The following CA5A variants were observed in gnomAD, a reference collection of about 807,000 sequenced individuals.
CA5A encodes the protein carbonic anhydrase 5A, mitochondrial.
A neutral mutation model predicts 37.1 loss-of-function variants in CA5A; 28 were observed. That is an observed-to-expected ratio of 0.75 (90% CI 0.56 to 1.03). CA5A has a LOEUF of 1.03. Ranked by LOEUF, CA5A falls within the 50% of genes least tolerant of loss-of-function variation. CA5A has a pLI of 0.00. For synonymous variants in CA5A, 171 were observed against 158.4 expected (o/e 1.08, Z -0.60); for missense variants, 444 against 399.9 (o/e 1.11, Z -0.94).
intron 6 of CA5A, among the ~76,000 whole-genome samples, chr16:87,889,957 A>T (rs1292349404): frequency 6.6e-6 from 1 of 152,156 alleles, no homozygotes; most frequent in Non-Finnish European, 1.5e-5. Flanking sequence ...AGCGCCCCCT[A>T]GAGTTGCGCG....
intron 2 of CA5A, chr16:87,923,629 A>G: frequency 1.0e-6 from 1 of 985,376 alleles, no homozygotes; most frequent in Non-Finnish European, 1.2e-6. Flanking sequence ...CCACCAGCTG[A>G]GGGCTGGGTG....
chr16:87,925,093 C>G (rs11642854), intron 2 of CA5A, among the ~76,000 whole-genome samples: 66,992 of 152,060 alleles, frequency 0.44, 15,703 homozygotes, highest in Non-Finnish European at 0.52. Context: ...ATGGGAGCAA[C>G]AGTGAGTGAG....
chr16:87,891,143 GAA>G (rs113142837), intron 6 of CA5A, among the ~76,000 whole-genome samples: 3,029 of 142,778 alleles, frequency 0.021, 99 homozygotes, highest in African/African-American at 0.072. Context: ...ATTAATTTTC[GAA>G]AAAAAAAAAA....
At chr16:87,890,303 C>G (rs982941773) in intron 6 of CA5A, among the ~76,000 whole-genome samples, 5 of 143,154 alleles carry the variant, frequency 3.5e-5, no homozygotes, top group African/African-American at 1.5e-4. Context: ...GCACTTGTCA[C>G]ATATATGCTT....
intron 2 of CA5A, among the ~76,000 whole-genome samples, chr16:87,915,460 A>T (rs1056880326): frequency 4.6e-5 from 7 of 151,274 alleles, no homozygotes; most frequent in South Asian, 4.2e-4. Context: ...GTTTGAGCTC[A>T]GGAGAAGCTT....
intron 5 of CA5A, among the ~76,000 whole-genome samples, chr16:87,894,078 C>G (rs1223858095): frequency 1.3e-5 from 2 of 152,130 alleles, no homozygotes; most frequent in Non-Finnish European, 2.9e-5. Flanking sequence ...GGATATATAC[C>G]CAGAAGTGTG....
rs375882971 is a variant in CA5A, at chr16:87,933,846, T to A, written c.142+2463A>T. Among the ~76,000 whole-genome samples the A allele has an allele frequency of 1.3e-4, 20 of 152,350 alleles. No individual in the cohort carries two copies. In the East Asian group the frequency reaches 3.9e-3, roughly 29 times the overall value. ...CACCGACATAGAAGGATGAATTCCT[T>A]ATGATGTTCCAATCTTCTCTGCTTG... On this transcript the variant is annotated intron_variant, in intron 1 of 6. Coordinates refer to ENST00000649794, the MANE Select transcript of CA5A (RefSeq NM_001739.2).
chr16:87,908,259 G>T (rs2055994170), intron 2 of CA5A, among the ~76,000 whole-genome samples: 2 of 152,144 alleles, frequency 1.3e-5, no homozygotes, highest in Admixed American at 6.5e-5. Flanking sequence ...GTGACCCTGG[G>T]CAAGTAGCTT....
chr16:87,918,992 G>A (rs1325424567), intron 2 of CA5A, among the ~76,000 whole-genome samples: 2 of 152,204 alleles, frequency 1.3e-5, no homozygotes, highest in African/African-American at 4.8e-5. Context: ...AAACCAGATT[G>A]GCCCGCGTGG....
rs1227728247 is a variant in CA5A at position 87,915,013 on chromosome 16, T to C, written c.341-10109A>G. Among the ~76,000 whole-genome samples the C allele has an allele frequency of 3.9e-5, 6 of 152,320 alleles. No homozygotes were observed. In the East Asian group the frequency reaches 5.8e-4, roughly 15 times the overall value. ...AGGGGTGTGAGCGATGGGGCCAGCA[T>C]GGCCGCCGCACCACCAGCTCCATCC... On this transcript the variant is annotated intron_variant, in intron 2 of 6. Coordinates refer to ENST00000649794, the MANE Select transcript of CA5A (RefSeq NM_001739.2).
chr16:87,902,578 C>T, intron 3 of CA5A, 58 bp from the exon 4 acceptor site: 1 of 936,306 alleles, frequency 1.1e-6, no homozygotes, highest in Non-Finnish European at 1.8e-6. Context: ...ACAGTCACTT[C>T]CCCTTCTGAA....
At chr16:87,908,224 C>T (rs1364138158) in intron 2 of CA5A, among the ~76,000 whole-genome samples, 3 of 152,220 alleles carry the variant, frequency 2.0e-5, no homozygotes, top group East Asian at 1.9e-4. Context: ...GGATTTGCAA[C>T]TCAGCTCTGC....
chr16:87,884,798 A>G (rs567707267), downstream of CA5A: 1 of 152,298 alleles, frequency 6.6e-6, no homozygotes, highest in African/African-American at 2.4e-5. Flanking sequence ...ATAGGTAAAA[A>G]GAAACCCAAA....
chr16:87,901,315 G>C (rs1208078222), intron 5 of CA5A, among the ~76,000 whole-genome samples: 1 of 152,184 alleles, frequency 6.6e-6, no homozygotes, highest in African/African-American at 2.4e-5. Flanking sequence ...TCAGGATCTC[G>C]CCTGCATGGC....
intron 2 of CA5A, among the ~76,000 whole-genome samples, chr16:87,919,833 T>C (rs2056206466): frequency 6.6e-6 from 1 of 152,124 alleles, no homozygotes; most frequent in Non-Finnish European, 1.5e-5. Context: ...TCATGCTGGC[T>C]CTGGAGCTGA....
At chr16:87,922,270 G>C (rs1401710729) in intron 2 of CA5A, among the ~76,000 whole-genome samples, 1 of 152,168 alleles carries the variant, frequency 6.6e-6, no homozygotes, top group Non-Finnish European at 1.5e-5. Flanking sequence ...GTGCGGTGGG[G>C]AAGGGGAGGT....
chr16:87,904,705 G>C, intron 3 of CA5A, 81 bp downstream of exon 3: 2 of 848,988 alleles, frequency 2.4e-6, no homozygotes, highest in Admixed American at 1.9e-5. Flanking sequence ...TGAGCGGCGC[G>C]CATGGCTTGT....
At chr16:87,898,932 G>T (rs1353098537) in intron 5 of CA5A, among the ~76,000 whole-genome samples, 1 of 151,894 alleles carries the variant, frequency 6.6e-6, no homozygotes, top group Admixed American at 6.6e-5. Flanking sequence ...ACGGGGTTTT[G>T]CCATGTTGGC....
intron 6 of CA5A, 108 bp downstream of exon 6, chr16:87,891,691 G>A: frequency 3.9e-6 from 4 of 1,021,174 alleles, no homozygotes; most frequent in Non-Finnish European, 5.4e-6. Context: ...ATGCATGAAA[G>A]AATATATATA....
Sources: gnomAD v4.1 joint callset for allele counts (sites outside exome capture counted in the v4.1 genomes callset) on GRCh38, gnomAD v4.1.1 for gene constraint, MANE v1.5 for transcripts, NCBI Gene and HGNC (gene_info 2026-07-23, HGNC 2026-07-21) for gene names.